The following PSD2 variants were observed in gnomAD, a reference collection of about 807,000 sequenced individuals.
The protein encoded by PSD2 is PH and SEC7 domain-containing protein 2.
In PSD2, 38 loss-of-function variants were observed where a neutral mutation model predicts 69.8. The observed-to-expected ratio is 0.54, with a 90% confidence interval of 0.42 to 0.71. The LOEUF is 0.71. PSD2 is among the 30% of genes least tolerant of loss of function. The pLI, the probability that PSD2 is intolerant of heterozygous loss-of-function variation, is 0.00. For synonymous variants in PSD2, 412 were observed against 423.0 expected (o/e 0.97, Z 0.32); for missense variants, 943 against 1,014.5 (o/e 0.93, Z 0.96).
At chr5:139,841,268 C>T (rs1760863863) in intron 14 of PSD2, among the ~76,000 whole-genome samples, 2 of 152,216 alleles carry the variant, frequency 1.3e-5, no homozygotes, top group South Asian at 4.1e-4. Flanking sequence ...GGTGAAAAAT[C>T]AGACCTTGGA....
At chr5:139,803,078 G>T (rs189860358) in intron 1 of PSD2, among the ~76,000 whole-genome samples, 1 of 152,378 alleles carries the variant, frequency 6.6e-6, no homozygotes, top group Admixed American at 6.5e-5. Flanking sequence ...AGAGGGCGTA[G>T]GTTCTTGGCC....
rs1366842774 is a variant in PSD2, at chr5:139,842,457, A to C, written c.2299A>C (p.Thr767Pro). Reference protein sequence around the residue: ...VTGSKTTKDATGPDT With the variant: ...VTGSKTTKDAPGPDT ...TGGCAGCAAAACCACAAAGGATGCC[A>C]CTGGGCCTGATACTTAGCTGACATG... The change falls in exon 15 of 15, where the codon ACT (threonine) becomes CCT (proline). Residue 767 changes from threonine (T) to proline (P), a missense_variant. Around this residue, in one of 3 missense-constraint regions of PSD2, gnomAD observed 165 missense variants for 168.8 expected, o/e 0.98. Coordinates refer to ENST00000274710, the MANE Select transcript of PSD2 (RefSeq NM_032289.4). The C allele has an allele frequency of 6.2e-7, 1 of 1,613,966 alleles. No homozygotes were observed. The highest frequency in any genetic ancestry group is 1.3e-5 in the African/African-American group (1 of 75,046).
At chr5:139,812,733 C>T (rs887937338) in intron 2 of PSD2, among the ~76,000 whole-genome samples, 11 of 152,204 alleles carry the variant, frequency 7.2e-5, no homozygotes, top group African/African-American at 2.7e-4. Flanking sequence ...AGCTAAGAAC[C>T]TCCCAGGTTG....
In PSD2 at chr5:139,836,958, C is replaced by A. The variant is rs371406215; in HGVS notation, c.1551C>A (p.Gly517=). 3.1e-6 allele frequency: 5 copies of A among 1,613,912 alleles called. No homozygotes were observed. In the South Asian group the frequency reaches 5.5e-5, roughly 18 times the overall value. Reference sequence around the variant, plus strand: ...TCAGTGCCACCACCTACAAGCACGGCGTCCTGACCCGGAAGACTCACGCTG... The same window carrying A: ...TCAGTGCCACCACCTACAAGCACGGAGTCCTGACCCGGAAGACTCACGCTG... The part of the protein sequence containing the change: ...QALSATTYKH[G]VLTRKTHADM... Residue 517 remains glycine, a synonymous_variant, in exon 10 of 15, where the codon GGC becomes GGA. Transcript: ENST00000274710.
chr5:139,813,231 A>G, intron 2 of PSD2, 78 bp from the exon 3 acceptor site: 2 of 1,260,646 alleles, frequency 1.6e-6, no homozygotes, highest in Non-Finnish European at 2.2e-6. Flanking sequence ...GGGCTCCCAG[A>G]CACAGATGAG....
the PSD2 span, among the ~76,000 whole-genome samples, chr5:139,783,025 G>A: frequency 6.6e-6 from 1 of 152,096 alleles, no homozygotes; most frequent in African/African-American, 2.4e-5. Context: ...TCCAGCCTCT[G>A]GTCATGTCTA....
the PSD2 span, among the ~76,000 whole-genome samples, chr5:139,790,100 TA>T: frequency 6.6e-6 from 1 of 151,804 alleles, no homozygotes; most frequent in African/African-American, 2.4e-5. Context: ...GGCCAGATCT[TA>T]TGGGATTTTG....
At chr5:139,757,346 C>T in the PSD2 span, among the ~76,000 whole-genome samples, 2 of 152,240 alleles carry the variant, frequency 1.3e-5, no homozygotes, top group Non-Finnish European at 2.9e-5. Flanking sequence ...CCTTCGCCTG[C>T]ATCTGTGAAA....
chr5:139,785,520 G>A, the PSD2 span, among the ~76,000 whole-genome samples: 54 of 152,274 alleles, frequency 3.5e-4, no homozygotes, highest in East Asian at 1.2e-3. Context: ...CACCGTGCCC[G>A]GCCCTCATTG....
chr5:139,826,277 G>C (rs1182453633), intron 7 of PSD2, among the ~76,000 whole-genome samples: 3 of 152,200 alleles, frequency 2.0e-5, no homozygotes, highest in Non-Finnish European at 4.4e-5. Flanking sequence ...GGCCTTGCCT[G>C]GGGGCCTGAC....
At chr5:139,773,945 G>C in the PSD2 span, among the ~76,000 whole-genome samples, 11 of 151,958 alleles carry the variant, frequency 7.2e-5, no homozygotes, top group African/African-American at 2.7e-4. Context: ...AGTGCACAAG[G>C]GACAAGGGTT....
rs1760931970 is a variant in PSD2 at position 139,843,685 on chromosome 5, C to G, written c.*1211C>G. The G allele has an allele frequency of 6.6e-6, 1 of 152,206 alleles. No individual in the cohort carries two copies. Among genetic ancestry groups the G allele is most frequent in the African/African-American group, 2.4e-5 (1 of 41,444 alleles). 9.4% of individuals were successfully genotyped at this position (152,206 alleles called of 1,614,324 possible). A position where few individuals can be genotyped will look rare whatever the true frequency, so the allele number is the denominator to read the frequency against. The stretch of plus-strand genomic sequence containing the variant: ...TTCTGTCGCTATTTCTTTCATTTGT[C>G]TAGTGAATCAGAAAGGCTTAGCCAA... On this transcript the variant is annotated 3_prime_UTR_variant, in exon 15 of 15. Coordinates refer to ENST00000274710, the MANE Select transcript of PSD2 (RefSeq NM_032289.4).
rs1386280923 is a variant in PSD2 at position 139,843,148 on chromosome 5, C to G, written c.*674C>G. ...AGAATAATATATACATAAGGAACCC[C>G]TGAAAGATGGTTTTGGAACTGGAAT... On this transcript the variant is annotated 3_prime_UTR_variant, in exon 15 of 15. Coordinates refer to ENST00000274710, the MANE Select transcript of PSD2 (RefSeq NM_032289.4). The G allele has an allele frequency of 6.6e-6, 1 of 152,432 alleles. No individual in the cohort carries two copies. The highest frequency in any genetic ancestry group is 1.5e-5 in the Non-Finnish European group (1 of 68,044). 9.4% of individuals were successfully genotyped at this position (152,432 alleles called of 1,614,324 possible).
At chr5:139,780,077 G>A in the PSD2 span, among the ~76,000 whole-genome samples, 1 of 152,204 alleles carries the variant, frequency 6.6e-6, no homozygotes, top group Non-Finnish European at 1.5e-5. Context: ...CATATGTTTA[G>A]TTGTCTAAGA....
Position 139,814,386 on chromosome 5 carries a change from C to T in PSD2, c.1016+22C>T, listed in dbSNP as rs374095916. 93 of 1,569,356 alleles carry T rather than the reference C, an allele frequency of 5.9e-5. No individual in the cohort carries two copies. In the African/African-American group the frequency reaches 8.8e-4, roughly 15 times the overall value. ...AGAAGTGAGTGTGAGCTCCCCTGCCCCCAACCCTGGGCAAACCTCGTGTCT... is the reference window on the plus strand; with the variant it reads ...AGAAGTGAGTGTGAGCTCCCCTGCCTCCAACCCTGGGCAAACCTCGTGTCT... On this transcript the variant is annotated intron_variant, in intron 4 of 14. Coordinates refer to ENST00000274710, the MANE Select transcript of PSD2 (RefSeq NM_032289.4). The surrounding 1 kb of genome is among the most constrained non-coding windows in gnomAD (Gnocchi z 4.4).
chr5:139,821,961 C>T lies in PSD2; in HGVS notation c.1166C>T (p.Ser389Phe), dbSNP rs775833192. ...CGTGAGCGGGTCCTCACACACTTCT[C>T]CCGCCGGTACTGCCAGTGCAACCCT... The part of the protein sequence containing the change: ...QERERVLTHF[S>F]RRYCQCNPDD... The change falls in exon 6 of 15, where the codon TCC becomes TTC. Residue 389 changes from serine to phenylalanine, a missense_variant. Coordinates refer to ENST00000274710, the MANE Select transcript of PSD2 (RefSeq NM_032289.4). 6.2e-7 allele frequency: 1 copy of T among 1,610,476 alleles called. No individual in the cohort carries two copies. Among genetic ancestry groups the T allele is most frequent in the Admixed American group, 1.7e-5 (1 of 59,710 alleles).
chr5:139,759,029 C>T, the PSD2 span, among the ~76,000 whole-genome samples: 1 of 152,066 alleles, frequency 6.6e-6, no homozygotes, highest in African/African-American at 2.4e-5. Flanking sequence ...GCTCACATTC[C>T]ATGCTCCAGG....
chr5:139,756,548 C>G, the PSD2 span, among the ~76,000 whole-genome samples: 1 of 152,108 alleles, frequency 6.6e-6, no homozygotes, highest in East Asian at 1.9e-4. Context: ...GGGGTAGTTT[C>G]GTGGAGGGAG....
chr5:139,810,619 G>A (rs920705994), intron 2 of PSD2, among the ~76,000 whole-genome samples: 3 of 152,216 alleles, frequency 2.0e-5, no homozygotes, highest in Non-Finnish European at 2.9e-5. Context: ...TGGTGCCCCT[G>A]GCCTGGGCAT....
Sources: allele counts gnomAD v4.1 joint callset (sites outside exome capture counted in the v4.1 genomes callset), GRCh38; gene constraint gnomAD v4.1.1; regional missense constraint gnomAD v4.1.1; non-coding constraint Gnocchi (gnomAD v3.1); transcripts MANE v1.5; gene names NCBI Gene and HGNC (gene_info 2026-07-23, HGNC 2026-07-21).